C19orf38: variants seen among roughly 807,000 people sequenced by gnomAD.
C19orf38 encodes the protein chromosome 19 open reading frame 38.
Under a neutral mutation model 26.6 loss-of-function variants are expected in C19orf38, and 14 were observed. The observed-to-expected ratio is 0.53, with a 90% CI of 0.35 to 0.82. C19orf38 has a LOEUF of 0.82. Ranked by LOEUF, C19orf38 falls within the 40% of genes least tolerant of loss-of-function variation. The pLI is 0.01. For missense variants in C19orf38, 261 were observed against 299.5 expected (o/e 0.87, Z 0.95); for synonymous variants, 132 against 128.5 (o/e 1.03, Z -0.18).
chr19:10,848,095 G>A (rs559822017), upstream of C19orf38, among the ~76,000 whole-genome samples: 237 of 152,254 alleles, frequency 1.6e-3, no homozygotes, highest in Middle Eastern at 3.4e-3. Flanking sequence ...GGAGGCTGAG[G>A]CAGGAGAATC....
At chr19:10,859,280 ATGTG>A (rs1025386100) in intron 4 of C19orf38, among the ~76,000 whole-genome samples, 2 of 40,054 alleles carry the variant, frequency 5.0e-5, no homozygotes, top group Non-Finnish European at 1.1e-4. Flanking sequence ...GTGTGTGTGT[ATGTG>A]TGTGTGTATA....
At chr19:10,838,474 T>TTG (rs1489795449) in intron 1 of C19orf38, among the ~76,000 whole-genome samples, 2 of 152,200 alleles carry the variant, frequency 1.3e-5, no homozygotes, top group African/African-American at 4.8e-5. Flanking sequence ...CATTCCAGTG[T>TTG]TGTGCAGTGA....
intron 6 of C19orf38, among the ~76,000 whole-genome samples, chr19:10,864,890 G>A (rs2073737080): frequency 6.6e-6 from 1 of 152,188 alleles, no homozygotes; most frequent in Admixed American, 6.5e-5. Context: ...GGGAGCAGAT[G>A]GAGAGGGGAG....
intron 1 of C19orf38, among the ~76,000 whole-genome samples, chr19:10,849,998 G>A (rs1031385804): frequency 4.0e-5 from 6 of 151,822 alleles, no homozygotes; most frequent in Non-Finnish European, 8.8e-5. Context: ...GGTGGAGGCT[G>A]TAGTGAGCCG....
intron 5 of C19orf38, among the ~76,000 whole-genome samples, chr19:10,860,840 C>CA (rs60601259): frequency 0.043 from 1,837 of 42,292 alleles, 25 homozygotes; most frequent in Non-Finnish European, 0.062. Flanking sequence ...GACTCCATCT[C>CA]AAAAAAAAAA....
At chr19:10,850,861 A>C (rs762398302) in intron 2 of C19orf38, among the ~76,000 whole-genome samples, 2 of 152,056 alleles carry the variant, frequency 1.3e-5, no homozygotes, top group Non-Finnish European at 2.9e-5. Flanking sequence ...TCTTATTGTC[A>C]GGCAGCCCGT....
Position 10,869,294 on chromosome 19 carries a change from C to A in C19orf38, c.620C>A (p.Thr207Asn). The A allele has an allele frequency of 6.4e-7, 1 of 1,551,660 alleles. No individual in the cohort carries two copies. Among genetic ancestry groups the A allele is most frequent in the Non-Finnish European group, 8.7e-7 (1 of 1,146,960 alleles). Residue 207 changes from threonine to asparagine, a missense_variant, in exon 7 of 7, where the codon ACC becomes AAC. Transcript: ENST00000397820. ...ACTGCCACCCCCAGCAACTCCAGGA[C>A]CCGGAAGAGGCCCACTTCCACGTCC... ...GTTATPSNSRTRKRPTSTSSS... is the reference protein window; with the variant it reads ...GTTATPSNSRNRKRPTSTSSS...
At chr19:10,852,218 G>T (rs1438815275) in intron 2 of C19orf38, among the ~76,000 whole-genome samples, 4 of 151,904 alleles carry the variant, frequency 2.6e-5, no homozygotes, top group Non-Finnish European at 4.4e-5. Context: ...TCCCACCTCG[G>T]CCTCCAGAGT....
intron 6 of C19orf38, among the ~76,000 whole-genome samples, chr19:10,864,620 G>A (rs1309684415): frequency 2.0e-5 from 3 of 152,168 alleles, no homozygotes; most frequent in Non-Finnish European, 4.4e-5. Flanking sequence ...ACAGATTTGG[G>A]GAAAGCGGGG....
intron 2 of C19orf38, among the ~76,000 whole-genome samples, chr19:10,851,294 C>T (rs557877298): frequency 8.6e-5 from 13 of 151,012 alleles, no homozygotes; most frequent in African/African-American, 3.2e-4. Flanking sequence ...CCTCATGATC[C>T]GCCTACCTCA....
At position 10,859,896 on chromosome 19, in the gene C19orf38, C is replaced by T. The variant is rs780708319; in HGVS notation, c.462-19C>T. 3.9e-6 allele frequency: 6 copies of T among 1,551,178 alleles called. No individual in the cohort carries two copies. The South Asian group carries it at 7.1e-5, about 18-fold the overall frequency. On this transcript the variant is annotated intron_variant, in intron 4 of 6. Transcript: ENST00000397820. ...GGGCAACCCTGATCCCTGTCACTTT[C>T]TCCTGAATTCCTTTGCAGAGATCGA...
rs1249763881 is a variant in C19orf38, at chr19:10,869,144, T to A, written c.544-74T>A. 1.3e-5 allele frequency: 20 copies of A among 1,530,690 alleles called. No homozygotes were observed. In the South Asian group the frequency reaches 2.3e-4, roughly 17 times the overall value. 94.8% of individuals were successfully genotyped at this position (1,530,690 alleles called of 1,614,324 possible). A position where few individuals can be genotyped will look rare whatever the true frequency, so the allele number is the denominator to read the frequency against. ...CTGCTGGGCTGGCAGAGTCTCAGGC[T>A]CAGAACATGGAGAAACCCTAGATCC... is the stretch of plus-strand genomic sequence containing the variant. On this transcript the variant is annotated intron_variant, in intron 6 of 6. Transcript: ENST00000397820.
intron 4 of C19orf38, 114 bp from the exon 5 acceptor site, chr19:10,859,801 G>A (rs2073677833): frequency 1.1e-6 from 1 of 903,678 alleles, no homozygotes. Flanking sequence ...GTCAGTGGGT[G>A]GGGAGCAAAG....
Position 10,856,166 on chromosome 19 carries a change from G to T in C19orf38, c.341-99G>T, listed in dbSNP as rs549930438. On this transcript the variant is annotated intron_variant, in intron 2 of 6. Coordinates refer to ENST00000397820, the MANE Select transcript of C19orf38 (RefSeq NM_001136482.3). ...GTCTCTTGGGTCCAGCTGCATTCAT[G>T]TTCTTTGGTTGGGGGTTATGGGGTA... 11 of 911,600 alleles carry T rather than the reference G, an allele frequency of 1.2e-5. No homozygotes were observed. In the African/African-American group the frequency reaches 1.8e-4, roughly 15 times the overall value. 56.5% of individuals were successfully genotyped at this position (911,600 alleles called of 1,614,324 possible).
upstream of C19orf38, among the ~76,000 whole-genome samples, chr19:10,847,706 T>C (rs2047609445): frequency 1.3e-5 from 2 of 151,964 alleles, no homozygotes; most frequent in South Asian, 4.1e-4. Flanking sequence ...TGCAGAGCAG[T>C]ATACTGAAGC....
chr19:10,863,180 C>T lies in C19orf38; in HGVS notation c.516C>T (p.Phe172=), dbSNP rs201968790. ...CTCTTTCTGTTTCAGACATGTCCTT[C>T]GATAACTCCCTGTTTACCGTCTCCG... The part of the protein sequence containing the change: ...QINFDSTDMS[F]DNSLFTVSAK... The change falls in exon 6 of 7, where the codon TTC becomes TTT. Residue 172 remains phenylalanine, a synonymous_variant. Coordinates refer to ENST00000397820, the MANE Select transcript of C19orf38 (RefSeq NM_001136482.3). 2.3e-4 allele frequency: 355 copies of T among 1,551,420 alleles called. No homozygotes were observed. Among genetic ancestry groups the T allele is most frequent in the Middle Eastern group, 1.0e-3 (6 of 5,976 alleles).
chr19:10,851,300 C>T (rs970259442), intron 2 of C19orf38, among the ~76,000 whole-genome samples: 2 of 151,474 alleles, frequency 1.3e-5, no homozygotes, highest in African/African-American at 4.9e-5. Flanking sequence ...GATCCGCCTA[C>T]CTCAGCCTCC....
Position 10,869,523 on chromosome 19 carries a change from G to A in C19orf38, c.*156G>A. ...CTTGGGATTTTCATCACAGAGGAGTGGGAGAGGGGACACAGGCATGGGCCT... is the reference window on the plus strand; with the variant it reads ...CTTGGGATTTTCATCACAGAGGAGTAGGAGAGGGGACACAGGCATGGGCCT... On this transcript the variant is annotated 3_prime_UTR_variant, in exon 7 of 7. Coordinates refer to ENST00000397820, the MANE Select transcript of C19orf38 (RefSeq NM_001136482.3). 2 of 1,095,096 alleles carry A rather than the reference G, an allele frequency of 1.8e-6. No individual in the cohort carries two copies. The highest frequency in any genetic ancestry group is 1.3e-6 in the Non-Finnish European group (1 of 792,258). 67.8% of individuals were successfully genotyped at this position (1,095,096 alleles called of 1,614,324 possible). A position where few individuals can be genotyped will look rare whatever the true frequency, so the allele number is the denominator to read the frequency against.
intron 2 of C19orf38, among the ~76,000 whole-genome samples, chr19:10,852,992 C>A (rs2073587766): frequency 6.6e-6 from 1 of 150,912 alleles, no homozygotes. Flanking sequence ...AGGACGATTC[C>A]TTGAGCCAAG....
Sources: allele counts gnomAD v4.1 joint callset (sites outside exome capture counted in the v4.1 genomes callset), GRCh38; gene constraint gnomAD v4.1.1; transcripts MANE v1.5; gene names NCBI Gene and HGNC (gene_info 2026-07-23, HGNC 2026-07-21).